The following OSBP variants were observed in gnomAD, a reference collection of about 807,000 sequenced individuals.
OSBP encodes oxysterol binding protein.
A neutral mutation model predicts 96.6 loss-of-function variants in OSBP; 32 were observed. That is an observed-to-expected ratio of 0.33 (90% CI 0.25 to 0.45). The LOEUF is 0.45. Among genes scored for constraint, OSBP ranks in the 20% least tolerant of loss-of-function variants. The probability of loss-of-function intolerance (pLI) is 1.00; values close to 1 mark genes in which losing one functional copy is unlikely to be tolerated. For synonymous variants in OSBP, 369 were observed against 389.6 expected, an observed-to-expected ratio of 0.95 and a Z score of 0.62; for missense variants, 653 against 1,029.7, an observed-to-expected ratio of 0.63 and a Z score of 5.01.
intron 9 of OSBP, among the ~76,000 whole-genome samples, chr11:59,583,940 GTTTTTTTTTTTT>G (rs1196897419): frequency 2.1e-5 from 2 of 93,582 alleles, no homozygotes; most frequent in Non-Finnish European, 4.1e-5. Context: ...ACCTGATGGT[GTTTTTTTTTTTT>G]TTTTTTTTTT....
chr11:59,611,098 G>C (rs1297586358), intron 1 of OSBP, among the ~76,000 whole-genome samples: 2 of 137,648 alleles, frequency 1.5e-5, no homozygotes, highest in Admixed American at 8.0e-5. Flanking sequence ...TCCCACTATT[G>C]CACTCCAGCT....
chr11:59,591,293 C>T (rs1860577172), intron 9 of OSBP, among the ~76,000 whole-genome samples: 2 of 152,138 alleles, frequency 1.3e-5, no homozygotes, highest in South Asian at 4.1e-4. Context: ...CTCAAAGAAA[C>T]CTAGATTAGT....
Position 59,576,796 on chromosome 11 carries a change from G to A in OSBP, c.2281+9C>T, listed in dbSNP as rs1242241887. ...ATCAAGAAAGAAGAGTAGAAGGGAA[G>A]TTCATTACCATCCTCTGTGGCTTTC... On this transcript the variant is annotated intron_variant, in intron 13 of 13. Transcript: ENST00000263847. 2 of 1,609,054 alleles carry A rather than the reference G, an allele frequency of 1.2e-6. No homozygotes were observed. Among genetic ancestry groups the A allele is most frequent in the African/African-American group, 2.7e-5 (2 of 74,722 alleles).
intron 7 of OSBP, among the ~76,000 whole-genome samples, chr11:59,596,261 A>G (rs942082894): frequency 1.3e-5 from 2 of 152,120 alleles, no homozygotes; most frequent in Non-Finnish European, 2.9e-5. Context: ...CTTATTAACT[A>G]CACCCAATAA....
At position 59,593,383 on chromosome 11, in the gene OSBP, G is replaced by A. The variant is rs577951270; in HGVS notation, c.1678+221C>T. On this transcript the variant is annotated intron_variant, in intron 9 of 13. Coordinates refer to ENST00000263847, the MANE Select transcript of OSBP (RefSeq NM_002556.3). Reference sequence around the variant, plus strand: ...TTAGAGATGCGTTAAATATAGCTAAGAGGATAAAGAATTTAGGACTAGATG... The same window carrying A: ...TTAGAGATGCGTTAAATATAGCTAAAAGGATAAAGAATTTAGGACTAGATG... The A allele has an allele frequency of 5.9e-3, 3,093 of 523,404 alleles. 14 individuals carry two copies. Among genetic ancestry groups the A allele is most frequent in the Non-Finnish European group, 6.9e-3 (2,003 of 292,218 alleles). The allele number at this position is 523,404 out of a possible 1,614,324, so 32.4% of individuals were successfully genotyped here.
In OSBP at chr11:59,615,641, T is replaced by C; in HGVS notation, c.24A>G (p.Gly8=). 7.4e-7 allele frequency: 1 copy of C among 1,359,976 alleles called. No homozygotes were observed. Among genetic ancestry groups the C allele is most frequent in the African/African-American group, 1.5e-5 (1 of 64,954 alleles). The allele number at this position is 1,359,976 out of a possible 1,614,324, so 84.2% of individuals were successfully genotyped here. A position where few individuals can be genotyped will look rare whatever the true frequency, so the allele number is the denominator to read the frequency against. MAATELR[G]VVGPGPAAIA... ...TGGCTGCCGGGCCTGGCCCCACCAC[T>C]CCTCTCAGCTCCGTCGCCGCCATGA... is the stretch of plus-strand genomic sequence containing the variant. The change falls in exon 1 of 14, where the codon GGA becomes GGG. Residue 8 remains glycine, a synonymous_variant. Coordinates refer to ENST00000263847, the MANE Select transcript of OSBP (RefSeq NM_002556.3).
intron 3 of OSBP, among the ~76,000 whole-genome samples, chr11:59,606,188 T>C (rs1251306568): frequency 6.6e-6 from 1 of 152,168 alleles, no homozygotes; most frequent in African/African-American, 2.4e-5. Context: ...ACGGACCATA[T>C]CTGCCCTCAG....
At chr11:59,611,698 A>G (rs757642895) in intron 1 of OSBP, among the ~76,000 whole-genome samples, 1 of 152,200 alleles carries the variant, frequency 6.6e-6, no homozygotes, top group Non-Finnish European at 1.5e-5. Flanking sequence ...GGAACTCCTA[A>G]GCCGTCTATT....
chr11:59,601,693 C>T lies in OSBP; in HGVS notation c.968G>A (p.Arg323Gln), dbSNP rs1860726777. ...GTTTGCCGGCAGCACCGTGGCTCCT[C>T]GGAAGGCCCTCTCCAGGTGATTATG... Reference protein sequence around the residue: ...KQHNHLERAFRGATVLPANTP... With the variant: ...KQHNHLERAFQGATVLPANTP... The change falls in exon 4 of 14, where the codon CGA becomes CAA. Residue 323 changes from arginine (R) to glutamine (Q), a missense_variant. By Grantham distance (43) the Arg-to-Gln change is conservative. Around this residue, in one of 6 missense-constraint regions of OSBP, gnomAD observed 308 missense variants for 573.1 expected, o/e 0.54. Coordinates refer to ENST00000263847, the MANE Select transcript of OSBP (RefSeq NM_002556.3). 3 of 1,613,482 alleles carry T rather than the reference C, an allele frequency of 1.9e-6. No homozygotes were observed. Among genetic ancestry groups the T allele is most frequent in the African/African-American group, 1.3e-5 (1 of 74,896 alleles).
At chr11:59,606,785 G>A (rs969572180) in intron 3 of OSBP, among the ~76,000 whole-genome samples, 2 of 152,248 alleles carry the variant, frequency 1.3e-5, no homozygotes, top group South Asian at 2.1e-4. Flanking sequence ...TTTTTAACAC[G>A]TGTATTATAC....
intron 5 of OSBP, 147 bp downstream of exon 5, chr11:59,601,133 AAGG>A: frequency 1.8e-6 from 1 of 548,956 alleles, no homozygotes; most frequent in Non-Finnish European, 3.1e-6. Flanking sequence ...AAAAAAAAAA[AAGG>A]GAAAAGGGCC....
In OSBP at chr11:59,615,561, C is replaced by A; in HGVS notation, c.104G>T (p.Gly35Val). The A allele has an allele frequency of 7.3e-7, 1 of 1,362,536 alleles. No homozygotes were observed. The highest frequency in any genetic ancestry group is 2.9e-5 in the Admixed American group (1 of 35,020). 84.4% of individuals were successfully genotyped at this position (1,362,536 alleles called of 1,614,324 possible). ...AGPPVVGGGGGRGDAGPGSGA... is the reference protein window; with the variant it reads ...AGPPVVGGGGVRGDAGPGSGA... ...GGAGCCTGGCCCCGCATCTCCGCGG[C>A]CGCCGCCTCCTCCCACCACTGGGGG... The change falls in exon 1 of 14, where the codon GGC (glycine) becomes GTC (valine). Residue 35 changes from glycine to valine, a missense_variant. Coordinates refer to ENST00000263847, the MANE Select transcript of OSBP (RefSeq NM_002556.3).
chr11:59,614,687 G>A (rs1860898719), intron 1 of OSBP, among the ~76,000 whole-genome samples: 1 of 152,244 alleles, frequency 6.6e-6, no homozygotes, highest in Non-Finnish European at 1.5e-5. Context: ...GCACTGGGGT[G>A]CACATCTCCA....
rs545684093 is a variant in OSBP at position 59,578,433 on chromosome 11, A to T, written c.1879-103T>A. 60 of 1,114,930 alleles carry T rather than the reference A, an allele frequency of 5.4e-5. No individual in the cohort carries two copies. The African/African-American group carries it at 8.4e-4, about 16-fold the overall frequency. The allele number at this position is 1,114,930 out of a possible 1,614,324, so 69.1% of individuals were successfully genotyped here. The stretch of plus-strand genomic sequence containing the variant: ...GGATAAATAATGGTTAGGTCCTGTT[A>T]TAACAAACACCAGAGAGTCATCCAA... On this transcript the variant is annotated intron_variant, in intron 11 of 13. Coordinates refer to ENST00000263847, the MANE Select transcript of OSBP (RefSeq NM_002556.3).
chr11:59,591,627 CTTT>C (rs530339994), intron 9 of OSBP, among the ~76,000 whole-genome samples: 1 of 139,036 alleles, frequency 7.2e-6, no homozygotes, highest in Non-Finnish European at 1.6e-5. Flanking sequence ...TTTTCTTTTC[CTTT>C]TTTTTTTTTT....
Position 59,615,656 on chromosome 11 carries a change from CGCCGCCATGA to C in OSBP, c.-2_8del, listed in dbSNP as rs1227630998. 7.4e-7 allele frequency: 1 copy of C among 1,350,922 alleles called. No homozygotes were observed. The highest frequency in any genetic ancestry group is 1.5e-5 in the African/African-American group (1 of 65,432). 83.7% of individuals were successfully genotyped at this position (1,350,922 alleles called of 1,614,324 possible). The stretch of plus-strand genomic sequence containing the variant: ...GCCCCACCACTCCTCTCAGCTCCGT[CGCCGCCATGA>C]GCCGCCGCCGCCTGGAGATACAAGA... On this transcript the variant is annotated start_lost and 5_prime_UTR_variant, in exon 1 of 14. Coordinates refer to ENST00000263847, the MANE Select transcript of OSBP (RefSeq NM_002556.3).
At chr11:59,603,059 T>C (rs1018186269) in intron 3 of OSBP, among the ~76,000 whole-genome samples, 1 of 152,206 alleles carries the variant, frequency 6.6e-6, no homozygotes, top group African/African-American at 2.4e-5. Context: ...TTGTGACATC[T>C]CCCCACCAGT....
chr11:59,588,877 C>T (rs535106140), intron 9 of OSBP, among the ~76,000 whole-genome samples: 4 of 151,644 alleles, frequency 2.6e-5, no homozygotes, highest in Admixed American at 1.3e-4. Context: ...TGGTGGTGCA[C>T]GCCTGTAGTC....
intron 9 of OSBP, among the ~76,000 whole-genome samples, chr11:59,585,651 C>A (rs1860491228): frequency 6.6e-6 from 1 of 152,232 alleles, no homozygotes; most frequent in Non-Finnish European, 1.5e-5. Flanking sequence ...CAGGCCACCA[C>A]CCCGTCTGGG....
Sources: gnomAD v4.1 joint callset for allele counts (sites outside exome capture counted in the v4.1 genomes callset) on GRCh38, gnomAD v4.1.1 for gene constraint, gnomAD v4.1.1 regional missense constraint, MANE v1.5 for transcripts, NCBI Gene and HGNC (gene_info 2026-07-23, HGNC 2026-07-21) for gene names.